EYS: variants seen among roughly 807,000 people sequenced by gnomAD.
The protein encoded by EYS is EGF-like photoreceptor maintenance factor.
In EYS, 250 loss-of-function variants were observed where a neutral mutation model predicts 282.1. The observed-to-expected ratio is 0.89, with a 90% CI of 0.80 to 0.98. The LOEUF is 0.98. Ranked by LOEUF, EYS falls within the 50% of genes least tolerant of loss-of-function variation. The pLI is 0.00. For synonymous variants in EYS, 1,355 were observed against 1,282.9 expected (o/e 1.06, Z -1.20); for missense variants, 4,016 against 3,709.0 (o/e 1.08, Z -2.15).
At chr6:64,689,703 C>T (rs1210894716) in intron 22 of EYS, among the ~76,000 whole-genome samples, 1 of 152,040 alleles carries the variant, frequency 6.6e-6, no homozygotes. Flanking sequence ...CTTTGACAAA[C>T]CTGACAAAAA....
At chr6:63,909,078 C>G (rs1358175972) in intron 35 of EYS, among the ~76,000 whole-genome samples, 1 of 151,968 alleles carries the variant, frequency 6.6e-6, no homozygotes, top group Non-Finnish European at 1.5e-5. Context: ...TGAAAAGGCC[C>G]ATAGAGCCAG....
At chr6:64,200,871 T>A (rs536357429) in intron 31 of EYS, among the ~76,000 whole-genome samples, 2 of 152,184 alleles carry the variant, frequency 1.3e-5, no homozygotes, top group African/African-American at 2.4e-5. Flanking sequence ...CTCCAAAGGC[T>A]TTGGGATAGT....
Position 64,869,369 on chromosome 6 carries a change from C to A in EYS, c.2992+17328G>T, listed in dbSNP as rs376748579. ...TCTTTTATATCTGGACCAGGGGATACAGGGAAAGTCCCTGCCCTCATGGAA... is the reference window on the plus strand; with the variant it reads ...TCTTTTATATCTGGACCAGGGGATAAAGGGAAAGTCCCTGCCCTCATGGAA... On this transcript the variant is annotated intron_variant, in intron 19 of 42. Transcript: ENST00000503581. Among the ~76,000 whole-genome samples, 261 of 151,522 alleles carry A rather than the reference C, an allele frequency of 1.7e-3. 1 individual carries two copies. The highest frequency in any genetic ancestry group is 6.0e-3 in the African/African-American group (250 of 41,468).
At chr6:64,474,160 T>C (rs1196295336) in intron 26 of EYS, among the ~76,000 whole-genome samples, 3 of 152,170 alleles carry the variant, frequency 2.0e-5, no homozygotes, top group Admixed American at 2.0e-4. Context: ...TGTCAATAAA[T>C]GTGGTGTTTT....
chr6:64,379,475 G>C (rs534200768), intron 29 of EYS: 1 of 152,140 alleles, frequency 6.6e-6, no homozygotes, highest in East Asian at 1.9e-4. Flanking sequence ...ATAGAAAAAA[G>C]TGAATATATA....
intron 35 of EYS, among the ~76,000 whole-genome samples, chr6:63,948,759 G>T (rs7753314): frequency 0.42 from 64,042 of 151,946 alleles, 15,158 homozygotes; most frequent in African/African-American, 0.65. Flanking sequence ...TTCAGGTAAT[G>T]AGGTTTAGGT....
chr6:64,466,513 C>T (rs115929905), intron 26 of EYS, among the ~76,000 whole-genome samples: 2,498 of 152,088 alleles, frequency 0.016, 23 homozygotes, highest in South Asian at 0.035. Context: ...AAGACAAATA[C>T]GACATGATCT....
intron 35 of EYS, among the ~76,000 whole-genome samples, chr6:63,921,844 G>A (rs543726824): frequency 6.6e-6 from 1 of 152,174 alleles, no homozygotes; most frequent in South Asian, 2.1e-4. Context: ...TAAGATTTGT[G>A]TCTCACAGTT....
At chr6:64,797,783 A>T (rs1774404159) in intron 22 of EYS, among the ~76,000 whole-genome samples, 1 of 151,960 alleles carries the variant, frequency 6.6e-6, no homozygotes, top group Admixed American at 6.6e-5. Flanking sequence ...AAAGTGCTTG[A>T]ATCTCCTAAT....
intron 30 of EYS, among the ~76,000 whole-genome samples, chr6:64,277,952 T>G (rs374251956): frequency 6.6e-6 from 1 of 152,200 alleles, no homozygotes; most frequent in East Asian, 1.9e-4. Context: ...CATTCAGAAA[T>G]CATATAATTT....
At chr6:63,723,558 A>G (rs1038272203) in intron 42 of EYS, among the ~76,000 whole-genome samples, 3 of 152,044 alleles carry the variant, frequency 2.0e-5, no homozygotes, top group Non-Finnish European at 4.4e-5. Context: ...TGAAGCTGTG[A>G]TCTATACTAT....
At chr6:63,945,324 C>T (rs756407941) in intron 35 of EYS, among the ~76,000 whole-genome samples, 2 of 152,042 alleles carry the variant, frequency 1.3e-5, no homozygotes, top group African/African-American at 2.4e-5. Context: ...AGAACTATCA[C>T]GAGAATAGCA....
intron 30 of EYS, among the ~76,000 whole-genome samples, chr6:64,306,041 A>T (rs1213695474): frequency 1.3e-5 from 2 of 152,150 alleles, no homozygotes; most frequent in Admixed American, 1.3e-4. Context: ...CAAAGAAACA[A>T]TCCAATTCGA....
At chr6:64,297,913 G>A (rs1053095972) in intron 30 of EYS, among the ~76,000 whole-genome samples, 3 of 149,714 alleles carry the variant, frequency 2.0e-5, no homozygotes, top group African/African-American at 4.9e-5. Context: ...AGGAGGCAGA[G>A]GTTGCAGTGA....
intron 35 of EYS, among the ~76,000 whole-genome samples, chr6:63,944,424 A>G (rs1765332637): frequency 6.6e-6 from 1 of 152,182 alleles, no homozygotes; most frequent in Non-Finnish European, 1.5e-5. Flanking sequence ...TAAAAATTGC[A>G]TTTCTTTAAA....
At chr6:64,251,478 T>G (rs190764710) in intron 30 of EYS, among the ~76,000 whole-genome samples, 26 of 152,222 alleles carry the variant, frequency 1.7e-4, no homozygotes, top group African/African-American at 5.3e-4. Context: ...GGGGATTCAC[T>G]TCAAAGAAGA....
chr6:64,097,189 C>G (rs910678534), intron 31 of EYS, among the ~76,000 whole-genome samples: 1 of 152,200 alleles, frequency 6.6e-6, no homozygotes, highest in African/African-American at 2.4e-5. Context: ...AATTAGGCTA[C>G]TCTGGGGTCA....
chr6:64,070,632 T>C (rs1771540034), intron 32 of EYS, among the ~76,000 whole-genome samples: 1 of 152,096 alleles, frequency 6.6e-6, no homozygotes, highest in African/African-American at 2.4e-5. Context: ...AACTGGCAAC[T>C]TGTCTCAAGG....
intron 14 of EYS, among the ~76,000 whole-genome samples, chr6:64,975,917 A>T (rs567200865): frequency 2.0e-3 from 300 of 151,946 alleles, no homozygotes; most frequent in African/African-American, 6.8e-3. Context: ...TGATTTTTTT[A>T]AAAAAAGCTA....
Sources: gnomAD v4.1 joint callset for allele counts (sites outside exome capture counted in the v4.1 genomes callset) on GRCh38, gnomAD v4.1.1 for gene constraint, MANE v1.5 for transcripts, NCBI Gene and HGNC (gene_info 2026-07-23, HGNC 2026-07-21) for gene names.